RFTN1: variants seen among roughly 807,000 people sequenced by gnomAD.
The protein encoded by RFTN1 is raftlin, lipid raft linker 1.
RFTN1 carries 26 observed loss-of-function variants against 46.5 expected under a neutral mutation model. The ratio of observed to expected loss-of-function variants is 0.56; its 90% CI spans 0.41 to 0.78. The LOEUF is 0.78. Among genes scored for constraint, RFTN1 ranks in the 30% least tolerant of loss-of-function variants. The pLI, the probability that RFTN1 is intolerant of heterozygous loss-of-function variation, is 0.00. For synonymous variants in RFTN1, 261 were observed against 284.2 expected, an observed-to-expected ratio of 0.92 and a Z score of 0.82; for missense variants, 693 against 718.7, an observed-to-expected ratio of 0.96 and a Z score of 0.41.
At chr3:16,403,079 T>C (rs2074644853) in intron 4 of RFTN1, among the ~76,000 whole-genome samples, 1 of 152,198 alleles carries the variant, frequency 6.6e-6, no homozygotes, top group Non-Finnish European at 1.5e-5. Flanking sequence ...GGCAAGGGCC[T>C]GGAGCCCATC....
intron 4 of RFTN1, among the ~76,000 whole-genome samples, chr3:16,398,596 T>A (rs1203432487): frequency 6.6e-6 from 1 of 152,144 alleles, no homozygotes; most frequent in Admixed American, 6.5e-5. Flanking sequence ...AGGTGCCCCA[T>A]GGCCACAGCC....
chr3:16,463,939 C>T (rs1009835010), intron 2 of RFTN1, among the ~76,000 whole-genome samples: 2 of 152,116 alleles, frequency 1.3e-5, no homozygotes, highest in Middle Eastern at 3.2e-3. Context: ...AGGACTTAGC[C>T]CTCCTGGACT....
intron 3 of RFTN1, among the ~76,000 whole-genome samples, chr3:16,415,494 T>C (rs1002407017): frequency 2.7e-5 from 4 of 150,272 alleles, no homozygotes; most frequent in African/African-American, 9.7e-5. Context: ...AGGAGAACGG[T>C]CTGGACTGCA....
chr3:16,338,813 T>G lies in RFTN1; in HGVS notation c.1147-11937A>C, dbSNP rs9838234. On this transcript the variant is annotated intron_variant, in intron 7 of 9. Transcript: ENST00000334133. The surrounding 1 kb of genome is among the most constrained non-coding windows in gnomAD (Gnocchi z 5.3). ...ATTGAAAAAAGGAGCTTTTCCAAAG[T>G]GTATAATTAAAAAGTTGTTTATTTT... Among the ~76,000 whole-genome samples the G allele has an allele frequency of 0.022, 3,417 of 152,212 alleles. 113 individuals carry two copies. The highest frequency in any genetic ancestry group is 0.078 in the African/African-American group (3,241 of 41,508).
intron 2 of RFTN1, among the ~76,000 whole-genome samples, chr3:16,491,348 C>A (rs777616272): frequency 6.6e-6 from 1 of 152,148 alleles, no homozygotes; most frequent in South Asian, 2.1e-4. Context: ...TGGGAGAATG[C>A]GGTCAAGGAG....
Position 16,421,208 on chromosome 3 carries a change from T to C in RFTN1, c.333-11725A>G, listed in dbSNP as rs2075177177. Among the ~76,000 whole-genome samples the C allele has an allele frequency of 6.6e-6, 1 of 152,238 alleles. No individual in the cohort carries two copies. Among genetic ancestry groups the C allele is most frequent in the African/African-American group, 2.4e-5 (1 of 41,456 alleles). On this transcript the variant is annotated intron_variant, in intron 3 of 9. Coordinates refer to ENST00000334133, the MANE Select transcript of RFTN1 (RefSeq NM_015150.2). This position sits in a 1 kb window ranked among gnomAD's most constrained non-coding sequence, Gnocchi z 4.6. ...ACAGTAAGTTCACACTATTAATAGC[T>C]AATACCTCAAGGCAAAATATACACT...
rs111640473 is a variant in RFTN1, at chr3:16,355,817, T to C, written c.1146+2115A>G. On this transcript the variant is annotated intron_variant, in intron 7 of 9. Coordinates refer to ENST00000334133, the MANE Select transcript of RFTN1 (RefSeq NM_015150.2). ...TGAGGCTACTGGTCCTGCAGTCACATTAATTTTTAAGAACCATTTTATAGA... is the reference window on the plus strand; with the variant it reads ...TGAGGCTACTGGTCCTGCAGTCACACTAATTTTTAAGAACCATTTTATAGA... Among the ~76,000 whole-genome samples the C allele has an allele frequency of 2.6e-5, 4 of 152,358 alleles. 1 individual carries two copies. The highest frequency in any genetic ancestry group is 9.6e-5 in the African/African-American group (4 of 41,582).
chr3:16,503,022 G>A (rs552731136), intron 1 of RFTN1, among the ~76,000 whole-genome samples: 1 of 152,164 alleles, frequency 6.6e-6, no homozygotes, highest in African/African-American at 2.4e-5. Context: ...GGTGTAATTT[G>A]TTACACAATA....
chr3:16,467,160 C>G (rs139282262), intron 2 of RFTN1, among the ~76,000 whole-genome samples: 1 of 152,102 alleles, frequency 6.6e-6, no homozygotes, highest in African/African-American at 2.4e-5. Context: ...AAGGCCTGAG[C>G]CTGGGAACCA....
chr3:16,330,298 T>A (rs1309929670), intron 7 of RFTN1, among the ~76,000 whole-genome samples: 7 of 152,366 alleles, frequency 4.6e-5, no homozygotes, highest in South Asian at 4.1e-4. Context: ...GCTTAATTAA[T>A]GTTAAATGTG....
chr3:16,393,647 T>C (rs548219455), intron 4 of RFTN1, among the ~76,000 whole-genome samples: 103 of 143,344 alleles, frequency 7.2e-4, no homozygotes, highest in Non-Finnish European at 8.7e-4. Flanking sequence ...AATAAGCTGA[T>C]GGACTTTTTT....
rs1392969452 is a variant in RFTN1 at position 16,361,841 on chromosome 3, G to T, written c.1031-3794C>A. Among the ~76,000 whole-genome samples, 2 of 152,222 alleles carry T rather than the reference G, an allele frequency of 1.3e-5. No individual in the cohort carries two copies. The highest frequency in any genetic ancestry group is 3.8e-4 in the East Asian group (2 of 5,202). On this transcript the variant is annotated intron_variant, in intron 6 of 9. Coordinates refer to ENST00000334133, the MANE Select transcript of RFTN1 (RefSeq NM_015150.2). This position sits in a 1 kb window ranked among gnomAD's most constrained non-coding sequence, Gnocchi z 4.3. ...CATTACATTGAGAGGGCATGCCCCA[G>T]TTAGCCAGTTGGTTCTAGGGAGATG...
chr3:16,406,682 T>C (rs1325584262), intron 4 of RFTN1, among the ~76,000 whole-genome samples: 1 of 152,232 alleles, frequency 6.6e-6, no homozygotes, highest in Non-Finnish European at 1.5e-5. Context: ...ATGTTGTCAA[T>C]AGGTTCTTGG....
chr3:16,398,982 A>G (rs1252724184), intron 4 of RFTN1, among the ~76,000 whole-genome samples: 1 of 152,234 alleles, frequency 6.6e-6, no homozygotes, highest in African/African-American at 2.4e-5. Flanking sequence ...CAGCAGCCAC[A>G]GGCTGTCCAC....
rs1260521345 is a variant in RFTN1 at position 16,468,369 on chromosome 3, C to T, written c.145+25356G>A. ...TAGATAAGTAGGGCTCCCTTAGATG[C>T]TGTCTGCCTATACCCCATGACTGTC... On this transcript the variant is annotated intron_variant, in intron 2 of 9. Transcript: ENST00000334133. The surrounding 1 kb of genome is among the most constrained non-coding windows in gnomAD (Gnocchi z 4.4). 6.6e-6 allele frequency among the ~76,000 whole-genome samples: 1 copy of T among 152,158 alleles called. No homozygotes were observed. The highest frequency in any genetic ancestry group is 1.5e-5 in the Non-Finnish European group (1 of 68,034).
chr3:16,408,427 G>T (rs911598687), intron 4 of RFTN1, among the ~76,000 whole-genome samples: 13 of 151,872 alleles, frequency 8.6e-5, no homozygotes, highest in Admixed American at 2.6e-4. Context: ...TGGCTGATTG[G>T]ACCTCAAATC....
chr3:16,455,217 T>C (rs2075885573), intron 2 of RFTN1, among the ~76,000 whole-genome samples: 1 of 152,208 alleles, frequency 6.6e-6, no homozygotes, highest in Admixed American at 6.5e-5. Flanking sequence ...CGTGTGTTTG[T>C]GAGGAGCATT....
intron 2 of RFTN1, chr3:16,434,603 C>T (rs1277321497): frequency 6.6e-6 from 1 of 151,076 alleles, no homozygotes; most frequent in Non-Finnish European, 1.5e-5. Context: ...GATCTAGAGT[C>T]GTCTTATCAG....
chr3:16,470,787 T>C (rs1259331779), intron 2 of RFTN1, among the ~76,000 whole-genome samples: 1 of 152,136 alleles, frequency 6.6e-6, no homozygotes, highest in Non-Finnish European at 1.5e-5. Flanking sequence ...ACCATCACAG[T>C]CACAATGTCC....
Sources: allele counts gnomAD v4.1 joint callset (sites outside exome capture counted in the v4.1 genomes callset), GRCh38; gene constraint gnomAD v4.1.1; non-coding constraint Gnocchi (gnomAD v3.1); transcripts MANE v1.5; gene names NCBI Gene and HGNC (gene_info 2026-07-23, HGNC 2026-07-21).